Variants in GPR89A observed in about 807,000 individuals in gnomAD.
The protein encoded by GPR89A is G protein-coupled receptor 89A.
A neutral mutation model predicts 52.0 loss-of-function variants in GPR89A; 16 were observed. The observed-to-expected ratio is 0.31, with a 90% CI of 0.21 to 0.47. GPR89A has a LOEUF of 0.47. Among genes scored for constraint, GPR89A ranks in the 20% least tolerant of loss-of-function variants. The pLI is 1.00. For missense variants in GPR89A, 135 were observed against 449.4 expected, an observed-to-expected ratio of 0.30 and a Z score of 6.33; for synonymous variants, 55 against 150.9, an observed-to-expected ratio of 0.36 and a Z score of 4.66.
At chr1:145,648,455 T>C (rs1553692994) in intron 10 of GPR89A, among the ~76,000 whole-genome samples, 1 of 150,648 alleles carries the variant, frequency 6.6e-6, no homozygotes, top group African/African-American at 2.4e-5. Context: ...TAAAAGGTAT[T>C]TTCCTAAGAT....
At chr1:145,621,019 T>C (rs1649102645) in intron 3 of GPR89A, among the ~76,000 whole-genome samples, 1 of 152,232 alleles carries the variant, frequency 6.6e-6, no homozygotes, top group African/African-American at 2.4e-5. Flanking sequence ...CTAAATGTTC[T>C]AAAGTAGTTG....
At chr1:145,652,788 A>AT (rs1249604788) in intron 10 of GPR89A, among the ~76,000 whole-genome samples, 1 of 144,142 alleles carries the variant, frequency 6.9e-6, no homozygotes, top group Non-Finnish European at 1.5e-5. Flanking sequence ...AGAGATGTTT[A>AT]TAGTATTCTC....
intron 2 of GPR89A, among the ~76,000 whole-genome samples, chr1:145,617,692 C>T (rs587641641): frequency 6.6e-6 from 1 of 152,084 alleles, no homozygotes; most frequent in South Asian, 2.1e-4. Flanking sequence ...TCCCTCCATT[C>T]GGGGTCCCTG....
intron 3 of GPR89A, among the ~76,000 whole-genome samples, chr1:145,619,791 G>A (rs1167184331): frequency 1.1e-4 from 17 of 152,174 alleles, no homozygotes; most frequent in East Asian, 3.9e-4. Context: ...CAAGGCAGGC[G>A]GATCACGAGG....
rs1647918348 is a variant in GPR89A at position 145,608,042 on chromosome 1, G to A, written c.-92G>A. The A allele has an allele frequency of 1.3e-6, 2 of 1,501,864 alleles. No individual in the cohort carries two copies. Among genetic ancestry groups the A allele is most frequent in the Admixed American group, 1.8e-5 (1 of 56,540 alleles). 93.0% of individuals were successfully genotyped at this position (1,501,864 alleles called of 1,614,324 possible). A position where few individuals can be genotyped will look rare whatever the true frequency, so the allele number is the denominator to read the frequency against. ...GCAGTCCCGGCTGCAGCACCTGGGA[G>A]AAGGCAGACCGTGTGAGGGGGCCTG... is the stretch of plus-strand genomic sequence containing the variant. On this transcript the variant is annotated 5_prime_UTR_variant, in exon 1 of 14. Transcript: ENST00000313835.
intron 1 of GPR89A, among the ~76,000 whole-genome samples, chr1:145,609,029 T>C (rs1648053162): frequency 1.3e-5 from 2 of 152,194 alleles, no homozygotes; most frequent in African/African-American, 4.8e-5. Flanking sequence ...GCCTTGTTCA[T>C]AGCTGTATCC....
In GPR89A at chr1:145,659,477, G is replaced by A. The variant is rs587676135; in HGVS notation, c.910-3852G>A. 1.6e-4 allele frequency among the ~76,000 whole-genome samples: 24 copies of A among 151,780 alleles called. No homozygotes were observed. The South Asian group carries it at 3.1e-3, about 20-fold the overall frequency. On this transcript the variant is annotated intron_variant, in intron 10 of 13. Coordinates refer to ENST00000313835, the MANE Select transcript of GPR89A (RefSeq NM_001097612.2). ...TAGGATTACAGGCATGAGCCACTGC[G>A]ACCGGCCTATGTTTAACCTTTTAAA...
At chr1:145,659,054 T>C (rs1431125964) in intron 10 of GPR89A, among the ~76,000 whole-genome samples, 1 of 151,786 alleles carries the variant, frequency 6.6e-6, no homozygotes, top group East Asian at 1.9e-4. Flanking sequence ...TGGGATTATA[T>C]CCGTGAGCCA....
intron 5 of GPR89A, among the ~76,000 whole-genome samples, chr1:145,628,353 A>G (rs1649652833): frequency 6.6e-6 from 1 of 152,228 alleles, no homozygotes; most frequent in Non-Finnish European, 1.5e-5. Context: ...GTGTTGTGGA[A>G]GCCAAGAAGA....
chr1:145,656,668 T>TC (rs1651828380), intron 10 of GPR89A, among the ~76,000 whole-genome samples: 2 of 152,160 alleles, frequency 1.3e-5, no homozygotes, highest in Admixed American at 1.3e-4. Flanking sequence ...CTTCCTTCCT[T>TC]CTTGTTATCC....
intron 8 of GPR89A, chr1:145,645,769 A>G (rs1422130016): frequency 4.5e-6 from 2 of 443,616 alleles, no homozygotes; most frequent in Non-Finnish European, 9.0e-6. Flanking sequence ...CCTAGCCTAT[A>G]TTAGAACACA....
intron 1 of GPR89A, among the ~76,000 whole-genome samples, chr1:145,609,321 T>C (rs1281230712): frequency 2.0e-5 from 3 of 152,240 alleles, no homozygotes; most frequent in Admixed American, 2.0e-4. Context: ...AAAAACTTGT[T>C]TACAATATTT....
intron 11 of GPR89A, among the ~76,000 whole-genome samples, chr1:145,664,452 C>G (rs1399656090): frequency 6.6e-6 from 1 of 151,896 alleles, no homozygotes; most frequent in Non-Finnish European, 1.5e-5. Flanking sequence ...GAGTTCAAGA[C>G]CAGCCTGGGC....
chr1:145,608,156 G>C lies in GPR89A; in HGVS notation c.23G>C (p.Ser8Thr), dbSNP rs1571449996. MSFLIDS[S>T]IMITSQILFF... ...GCCATGAGTTTCCTCATCGACTCCA[G>C]CATCATGATTACCTCCCAGGTGAGT... is the stretch of plus-strand genomic sequence containing the variant. Residue 8 changes from serine (S) to threonine (T), a missense_variant, in exon 1 of 14, where the codon AGC becomes ACC. By Grantham distance (58) the Ser-to-Thr change is moderately conservative. This residue lies in a region of GPR89A where 38 missense variants were observed against 40.2 expected (regional missense o/e 0.95). Transcript: ENST00000313835. 3.7e-6 allele frequency: 6 copies of C among 1,613,616 alleles called. No individual in the cohort carries two copies. Among genetic ancestry groups the C allele is most frequent in the African/African-American group, 2.7e-5 (2 of 74,694 alleles).
intron 7 of GPR89A, among the ~76,000 whole-genome samples, chr1:145,636,794 T>A (rs1650267809): frequency 1.3e-5 from 2 of 152,022 alleles, no homozygotes; most frequent in African/African-American, 4.8e-5. Flanking sequence ...GGTAGAAATT[T>A]GAGAAGAGCA....
intron 5 of GPR89A, among the ~76,000 whole-genome samples, chr1:145,628,622 T>C (rs1553689331): frequency 6.6e-6 from 1 of 151,994 alleles, no homozygotes. Flanking sequence ...ATCTACCTCA[T>C]AGGATTGTTA....
At chr1:145,665,405 G>GC (rs2101843963) in intron 11 of GPR89A, among the ~76,000 whole-genome samples, 157 bp from the exon 12 acceptor site, 1 of 152,184 alleles carries the variant, frequency 6.6e-6, no homozygotes, top group South Asian at 2.1e-4. Flanking sequence ...TGTTTTATTT[G>GC]CCACCTACTT....
intron 2 of GPR89A, among the ~76,000 whole-genome samples, chr1:145,617,685 C>T (rs1241823699): frequency 6.6e-6 from 1 of 151,950 alleles, no homozygotes; most frequent in Non-Finnish European, 1.5e-5. Flanking sequence ...CAGCCAGTCC[C>T]TCCATTCGGG....
intron 1 of GPR89A, among the ~76,000 whole-genome samples, chr1:145,612,632 A>C (rs1553686359): frequency 6.6e-6 from 1 of 152,160 alleles, no homozygotes; most frequent in Non-Finnish European, 1.5e-5. Context: ...TAAGATTATA[A>C]TGCTAAGTAC....
Sources: gnomAD v4.1 joint callset for allele counts (sites outside exome capture counted in the v4.1 genomes callset) on GRCh38, gnomAD v4.1.1 for gene constraint, gnomAD v4.1.1 regional missense constraint, MANE v1.5 for transcripts, NCBI Gene and HGNC (gene_info 2026-07-23, HGNC 2026-07-21) for gene names.